Variants in XPA observed in about 807,000 individuals in gnomAD.
XPA encodes the protein DNA repair protein complementing XP-A cells.
XPA carries 27 observed loss-of-function variants against 35.7 expected under a neutral mutation model. The ratio of observed to expected loss-of-function variants is 0.76; its 90% CI spans 0.56 to 1.04. XPA has a LOEUF of 1.04. Ranked by LOEUF, XPA falls within the 50% of genes least tolerant of loss-of-function variation. XPA has a pLI of 0.00. For missense variants in XPA, 354 were observed against 342.7 expected (o/e 1.03, Z -0.26); for synonymous variants, 133 against 118.4 (o/e 1.12, Z -0.80).
chr9:97,678,533 C>T (rs1301135962), intron 5 of XPA, among the ~76,000 whole-genome samples: 1 of 152,102 alleles, frequency 6.6e-6, no homozygotes, highest in Non-Finnish European at 1.5e-5. Context: ...TGGAGAAAAA[C>T]AGAAATTAAT....
At chr9:97,658,209 A>G in the XPA span, among the ~76,000 whole-genome samples, 1 of 152,124 alleles carries the variant, frequency 6.6e-6, no homozygotes, top group African/African-American at 2.4e-5. Flanking sequence ...ACCTGTGTGT[A>G]TATATGCCTC....
At chr9:97,671,074 G>T, downstream of XPA, 1 of 1,566,944 alleles carries the variant, frequency 6.4e-7, no homozygotes, top group African/African-American at 1.4e-5. Context: ...ACCCCCTTTT[G>T]TGTGTCCACA....
the XPA span, chr9:97,658,680 A>G: frequency 1.2e-6 from 2 of 1,613,348 alleles, no homozygotes; most frequent in Non-Finnish European, 8.5e-7. Flanking sequence ...TGTTCCTCCT[A>G]CCTTCTCAGC....
intron 5 of XPA, among the ~76,000 whole-genome samples, chr9:97,683,584 T>A (rs2805834): frequency 0.19 from 28,517 of 151,712 alleles, 2,790 homozygotes; most frequent in African/African-American, 0.22. Context: ...ATTTTTATTT[T>A]AAAAAAAAAT....
chr9:97,697,224 C>T lies in XPA; in HGVS notation c.69G>A (p.Ser23=). The part of the protein sequence containing the change: ...ALEQPAELPA[S]VRASIERKRQ... ...GCTTCCGCTCGATACTCGCCCGCACCGAGGCAGGCAGCTCCGCGGGTTGCT... is the reference window on the plus strand; with the variant it reads ...GCTTCCGCTCGATACTCGCCCGCACTGAGGCAGGCAGCTCCGCGGGTTGCT... The change falls in exon 1 of 6, where the codon TCG becomes TCA. Residue 23 remains serine (S), a synonymous_variant. Transcript: ENST00000375128. The T allele has an allele frequency of 6.2e-7, 1 of 1,601,404 alleles. No individual in the cohort carries two copies. Among genetic ancestry groups the T allele is most frequent in the East Asian group, 2.2e-5 (1 of 44,786 alleles).
the XPA span, chr9:97,656,142 C>G: frequency 1.5e-6 from 2 of 1,356,454 alleles, no homozygotes; most frequent in East Asian, 4.6e-5. Flanking sequence ...TTTCTCTTCT[C>G]TGCACTTGTG....
rs1828741490 is a variant in XPA at position 97,687,098 on chromosome 9, G to A, written c.553C>T (p.Gln185Ter). 3.7e-6 allele frequency: 6 copies of A among 1,608,954 alleles called. No individual in the cohort carries two copies. The highest frequency in any genetic ancestry group is 5.1e-6 in the Non-Finnish European group (6 of 1,178,578). The change falls in exon 4 of 6, where the codon CAG becomes TAG. Residue 185 changes from glutamine (Q) to a stop codon, truncating the protein, a stop_gained and splice_region_variant. Transcript: ENST00000375128. LOFTEE classifies it high-confidence loss of function. Reference sequence around the variant, plus strand: ...AATAAATACAACTTATTAGAGACCTGTAACTTTAAGTAGAGTTTCATATCA... The same window carrying A: ...AATAAATACAACTTATTAGAGACCTATAACTTTAAGTAGAGTTTCATATCA... ...WGDMKLYLKL[Q>*]IVKRSLEVWG...
intron 5 of XPA, among the ~76,000 whole-genome samples, chr9:97,677,620 G>A (rs757118474): frequency 5.3e-5 from 8 of 152,022 alleles, no homozygotes; most frequent in Non-Finnish European, 8.8e-5. Context: ...TGCTTAAGCC[G>A]AGGAGTTTGA....
downstream of XPA, chr9:97,670,998 AGC>A (rs549628883): frequency 1.5e-3 from 1,149 of 775,274 alleles, 24 homozygotes; most frequent in South Asian, 0.021. Context: ...ATCATTCTGC[AGC>A]ATGGGTGGGC....
intron 1 of XPA, among the ~76,000 whole-genome samples, chr9:97,696,017 TTCTG>T: frequency 6.6e-6 from 1 of 152,344 alleles, no homozygotes; most frequent in East Asian, 1.9e-4. Context: ...CAAATGAACT[TTCTG>T]TCTGACTCTA....
chr9:97,661,421 G>A, the XPA span, among the ~76,000 whole-genome samples: 1 of 152,158 alleles, frequency 6.6e-6, no homozygotes, highest in Non-Finnish European at 1.5e-5. Flanking sequence ...GAATAATAAT[G>A]TTTAACATTT....
chr9:97,676,463 G>C (rs1828369228), intron 5 of XPA, among the ~76,000 whole-genome samples: 1 of 152,204 alleles, frequency 6.6e-6, no homozygotes, highest in African/African-American at 2.4e-5. Context: ...ATCTTTGACA[G>C]TGGCATTACC....
chr9:97,669,123 G>A, the XPA span: 1 of 918,450 alleles, frequency 1.1e-6, no homozygotes, highest in Middle Eastern at 3.7e-4. Flanking sequence ...GGAAATAAAA[G>A]TTCACTACTC....
At chr9:97,668,923 A>G in the XPA span, 1 of 1,613,688 alleles carries the variant, frequency 6.2e-7, no homozygotes, top group Non-Finnish European at 8.5e-7. Flanking sequence ...TTCAGGAAAA[A>G]GTGGAATCTG....
At chr9:97,693,804 C>T in intron 1 of XPA, 45 bp from the exon 2 acceptor site, 1 of 1,543,084 alleles carries the variant, frequency 6.5e-7, no homozygotes, top group Non-Finnish European at 8.9e-7. Flanking sequence ...GTAGGTAAGC[C>T]TGTATGTTAC....
the XPA span, chr9:97,655,021 C>A: frequency 8.2e-7 from 1 of 1,225,814 alleles, no homozygotes; most frequent in South Asian, 1.8e-5. Flanking sequence ...TTGAGAAAGA[C>A]ATTTTTAAGA....
the XPA span, among the ~76,000 whole-genome samples, chr9:97,657,903 T>G: frequency 1.5e-5 from 1 of 67,936 alleles, no homozygotes; most frequent in African/African-American, 6.8e-5. Context: ...TCTCTCTCTC[T>G]CTCTATATAT....
At chr9:97,660,554 G>A in the XPA span, among the ~76,000 whole-genome samples, 16 of 152,198 alleles carry the variant, frequency 1.1e-4, no homozygotes, top group South Asian at 2.1e-4. Flanking sequence ...GGAAGTGGGT[G>A]TTGGCAAAAT....
intron 4 of XPA, among the ~76,000 whole-genome samples, chr9:97,686,358 A>T (rs1828715752): frequency 6.6e-6 from 1 of 152,266 alleles, no homozygotes; most frequent in South Asian, 2.1e-4. Context: ...CACACCTATA[A>T]CCCATCTGCA....
Sources: gnomAD v4.1 joint callset for allele counts (sites outside exome capture counted in the v4.1 genomes callset) on GRCh38, gnomAD v4.1.1 for gene constraint, MANE v1.5 for transcripts, NCBI Gene and HGNC (gene_info 2026-07-23, HGNC 2026-07-21) for gene names.